The following ASAP1 variants were observed in gnomAD, a reference collection of about 807,000 sequenced individuals.
ASAP1 encodes arf-GAP with SH3 domain, ANK repeat and PH domain-containing protein 1.
A neutral mutation model predicts 145.2 loss-of-function variants in ASAP1; 43 were observed. That is an observed-to-expected ratio of 0.30 (90% confidence interval 0.23 to 0.38). The LOEUF (loss-of-function observed/expected upper bound fraction) is 0.38, where lower values mean the gene tolerates loss of function less well. ASAP1 is among the 10% of genes least tolerant of loss of function. ASAP1 has a pLI of 1.00. For synonymous variants in ASAP1, 546 were observed against 515.5 expected, an observed-to-expected ratio of 1.06 and a Z score of -0.80; for missense variants, 1,018 against 1,355.3, an observed-to-expected ratio of 0.75 and a Z score of 3.91.
At chr8:130,070,106 G>A (rs946467238) in intron 27 of ASAP1, among the ~76,000 whole-genome samples, 11 of 152,042 alleles carry the variant, frequency 7.2e-5, no homozygotes, top group African/African-American at 1.2e-4. Context: ...GCGCAATCTC[G>A]GCTCACTGCA....
intron 3 of ASAP1, among the ~76,000 whole-genome samples, chr8:130,251,676 T>C (rs1311439866): frequency 6.6e-6 from 1 of 152,110 alleles, no homozygotes; most frequent in African/African-American, 2.4e-5. Flanking sequence ...CTCTAATACA[T>C]ACTTAGGATG....
chr8:130,361,519 C>G, intron 2 of ASAP1: 1 of 662,216 alleles, frequency 1.5e-6, no homozygotes. Flanking sequence ...GTTTCAGTTT[C>G]ATTTGAAGAT....
At chr8:130,371,685 C>A (rs1289154201) in intron 2 of ASAP1, among the ~76,000 whole-genome samples, 2 of 152,284 alleles carry the variant, frequency 1.3e-5, no homozygotes, top group South Asian at 2.1e-4. Context: ...GACACTCCAG[C>A]AACCATTTGG....
chr8:130,072,785 CA>C (rs2097449841), intron 27 of ASAP1, among the ~76,000 whole-genome samples: 1 of 54,770 alleles, frequency 1.8e-5, no homozygotes, highest in Non-Finnish European at 3.2e-5. Context: ...CCTGGACTTG[CA>C]ATTGATATGT....
intron 3 of ASAP1, among the ~76,000 whole-genome samples, chr8:130,278,384 A>C (rs1821050115): frequency 6.6e-6 from 1 of 152,206 alleles, no homozygotes; most frequent in East Asian, 1.9e-4. Flanking sequence ...AAATGAAAAA[A>C]AAAAGAAAAA....
chr8:130,233,706 C>G (rs1818045380), intron 4 of ASAP1, among the ~76,000 whole-genome samples: 1 of 152,120 alleles, frequency 6.6e-6, no homozygotes, highest in Admixed American at 6.6e-5. Context: ...ATAAATACTT[C>G]CCAGTTTGAT....
At position 130,159,861 on chromosome 8, in the gene ASAP1, T is replaced by C. The variant is rs1023034449; in HGVS notation, c.1010+3A>G. The C allele has an allele frequency of 1.9e-5, 31 of 1,611,344 alleles. No homozygotes were observed. In the Admixed American group the frequency reaches 2.0e-4, roughly 10 times the overall value. On this transcript the variant is annotated splice_donor_region_variant and intron_variant, in intron 12 of 29. Coordinates refer to ENST00000518721, the MANE Select transcript of ASAP1 (RefSeq NM_018482.4). ...TGAGACACTGGGCTGGGCTCATACA[T>C]ACCCGTCACTTTTCTTTAGCAGGTA...
intron 4 of ASAP1, among the ~76,000 whole-genome samples, chr8:130,226,354 T>C (rs1379135593): frequency 6.6e-6 from 1 of 152,164 alleles, no homozygotes; most frequent in Non-Finnish European, 1.5e-5. Flanking sequence ...ATAACACTAA[T>C]TTGGAAACAA....
intron 3 of ASAP1, among the ~76,000 whole-genome samples, chr8:130,241,117 G>A (rs1818501215): frequency 1.3e-5 from 2 of 152,116 alleles, no homozygotes; most frequent in Non-Finnish European, 2.9e-5. Context: ...GACCATGCCT[G>A]CTCAGGACAT....
chr8:130,126,250 T>C (rs1045863131), intron 16 of ASAP1, among the ~76,000 whole-genome samples, 161 bp from the exon 17 acceptor site: 2 of 152,238 alleles, frequency 1.3e-5, no homozygotes, highest in African/African-American at 4.8e-5. Flanking sequence ...GGGGCTACCA[T>C]AAAAGTTTCC....
At chr8:130,182,933 T>C (rs1036227706) in intron 7 of ASAP1, among the ~76,000 whole-genome samples, 6 of 141,202 alleles carry the variant, frequency 4.2e-5, no homozygotes, top group African/African-American at 1.6e-4. Context: ...GAAAAAACAC[T>C]GAAAAAATAA....
chr8:130,204,505 A>G (rs1299219468), intron 5 of ASAP1, among the ~76,000 whole-genome samples: 1 of 152,182 alleles, frequency 6.6e-6, no homozygotes, highest in Non-Finnish European at 1.5e-5. Flanking sequence ...CATACAGATG[A>G]GGCAGAGGAT....
rs117580791 is a variant in ASAP1 at position 130,369,712 on chromosome 8, G to A, written c.60-11569C>T. Among the ~76,000 whole-genome samples the A allele has an allele frequency of 9.5e-4, 144 of 152,214 alleles. 1 individual carries two copies. In the East Asian group the frequency reaches 0.024, roughly 26 times the overall value. On this transcript the variant is annotated intron_variant, in intron 2 of 29. Coordinates refer to ENST00000518721, the MANE Select transcript of ASAP1 (RefSeq NM_018482.4). ...CTAGGATGGCTGTAATAAAAAAGAT[G>A]GAAATTGACAAGTATTGTCAAGGAT...
rs532025538 is a variant in ASAP1 at position 130,098,505 on chromosome 8, G to A, written c.2402-6362C>T. ...ATTACAGGTGCCTGCCACCACGCCC[G>A]GCTAATTTTTGTATTTTTTTAGTAG... is the stretch of plus-strand genomic sequence containing the variant. On this transcript the variant is annotated intron_variant, in intron 24 of 29. Coordinates refer to ENST00000518721, the MANE Select transcript of ASAP1 (RefSeq NM_018482.4). Among the ~76,000 whole-genome samples, 24 of 152,120 alleles carry A rather than the reference G, an allele frequency of 1.6e-4. 1 individual carries two copies. The highest frequency in any genetic ancestry group is 5.3e-4 in the African/African-American group (22 of 41,484).
At chr8:130,134,077 G>C (rs912604150) in intron 15 of ASAP1, among the ~76,000 whole-genome samples, 1 of 152,204 alleles carries the variant, frequency 6.6e-6, no homozygotes, top group Non-Finnish European at 1.5e-5. Flanking sequence ...GGTGAGGCTT[G>C]AGCAGAATCT....
intron 13 of ASAP1, among the ~76,000 whole-genome samples, chr8:130,141,309 T>C (rs1027255054): frequency 1.3e-5 from 2 of 152,154 alleles, no homozygotes; most frequent in Admixed American, 1.3e-4. Context: ...ACTCAGCTCC[T>C]GTCACTCTGA....
intron 12 of ASAP1, among the ~76,000 whole-genome samples, chr8:130,153,037 GA>G (rs1184091086): frequency 6.6e-6 from 1 of 151,314 alleles, no homozygotes; most frequent in Non-Finnish European, 1.5e-5. Flanking sequence ...TTTTTTTTGA[GA>G]TGGAGTCTTG....
At chr8:130,202,366 T>G (rs1815920892) in intron 5 of ASAP1, among the ~76,000 whole-genome samples, 1 of 151,954 alleles carries the variant, frequency 6.6e-6, no homozygotes, top group South Asian at 2.1e-4. Flanking sequence ...AATTAAGTAG[T>G]GCTTTAGGGT....
intron 2 of ASAP1, among the ~76,000 whole-genome samples, chr8:130,375,533 A>G (rs1391607181): frequency 6.6e-6 from 1 of 150,378 alleles, no homozygotes; most frequent in African/African-American, 2.5e-5. Context: ...GCTCTCCAGT[A>G]TAAGTTGGAC....
Sources: gnomAD v4.1 joint callset for allele counts (sites outside exome capture counted in the v4.1 genomes callset) on GRCh38, gnomAD v4.1.1 for gene constraint, MANE v1.5 for transcripts, NCBI Gene and HGNC (gene_info 2026-07-23, HGNC 2026-07-21) for gene names.